The following SUFU variants were observed in gnomAD, a reference collection of about 807,000 sequenced individuals.
SUFU encodes SUFU negative regulator of hedgehog signaling.
In SUFU, 7 loss-of-function variants were observed where a neutral mutation model predicts 58.9. The ratio of observed to expected loss-of-function variants is 0.12; its 90% CI spans 0.07 to 0.22. The LOEUF is 0.22. Ranked by LOEUF, SUFU falls within the 10% of genes least tolerant of loss-of-function variation. The pLI is 1.00. For missense variants in SUFU, 451 were observed against 641.3 expected (o/e 0.70, Z 3.20); for synonymous variants, 232 against 254.8 (o/e 0.91, Z 0.85).
At chr10:102,521,230 GC>G (rs2062547932) in intron 2 of SUFU, among the ~76,000 whole-genome samples, 1 of 152,162 alleles carries the variant, frequency 6.6e-6, no homozygotes, top group African/African-American at 2.4e-5. Context: ...ATGCTGTTGA[GC>G]GTCTTTTCAT....
intron 3 of SUFU, among the ~76,000 whole-genome samples, chr10:102,583,282 G>T (rs911623719): frequency 5.3e-5 from 8 of 152,154 alleles, no homozygotes; most frequent in Non-Finnish European, 1.0e-4. Context: ...GCAGAGCTGC[G>T]GAAGACCCTG....
rs150958859 is a variant in SUFU, at chr10:102,588,619, C to T, written c.455-3963C>T. On this transcript the variant is annotated intron_variant, in intron 3 of 11. Coordinates refer to ENST00000369902, the MANE Select transcript of SUFU (RefSeq NM_016169.4). Reference sequence around the variant, plus strand: ...CTATTCTGGGTGTCTTGCATTTCCACGTGAAGTTTTGAATCCGTTTGTGAA... The same window carrying T: ...CTATTCTGGGTGTCTTGCATTTCCATGTGAAGTTTTGAATCCGTTTGTGAA... 3.0e-3 allele frequency among the ~76,000 whole-genome samples: 450 copies of T among 152,244 alleles called. 4 individuals are homozygous for T. Among genetic ancestry groups the T allele is most frequent in the African/African-American group, 0.01 (433 of 41,550 alleles).
At chr10:102,544,777 G>T (rs2062836425) in intron 2 of SUFU, among the ~76,000 whole-genome samples, 1 of 152,120 alleles carries the variant, frequency 6.6e-6, no homozygotes, top group Admixed American at 6.6e-5. Context: ...TCCCCATTCT[G>T]TCCTCACCCT....
In SUFU at chr10:102,619,296, C is replaced by T; in HGVS notation, c.1296+1868C>T. ...GGTTCCCACTCCCAGTGCCACAACC[C>T]CCTCACCTCCCTGGCAGCCCCTCAG... On this transcript the variant is annotated intron_variant, in intron 10 of 11. Transcript: ENST00000369902. This position sits in a 1 kb window ranked among gnomAD's most constrained non-coding sequence, Gnocchi z 4.2. 1 of 1,443,510 alleles carries T rather than the reference C, an allele frequency of 6.9e-7. No individual in the cohort carries two copies. The highest frequency in any genetic ancestry group is 9.1e-7 in the Non-Finnish European group (1 of 1,101,470). The allele number at this position is 1,443,510 out of a possible 1,614,324, so 89.4% of individuals were successfully genotyped here. A position where few individuals can be genotyped will look rare whatever the true frequency, so the allele number is the denominator to read the frequency against.
chr10:102,602,252 G>A (rs184807067), intron 8 of SUFU, among the ~76,000 whole-genome samples: 3 of 152,292 alleles, frequency 2.0e-5, no homozygotes, highest in Admixed American at 6.5e-5. Context: ...GGTTGGAAAG[G>A]GGTAGAGCTT....
At chr10:102,526,993 G>GTTTTTTTTTTTTT (rs34862176) in intron 2 of SUFU, among the ~76,000 whole-genome samples, 1 of 102,046 alleles carries the variant, frequency 9.8e-6, no homozygotes, top group African/African-American at 3.8e-5. Flanking sequence ...TATTATTATT[G>GTTTTTTTTTTTTT]TTTTTTTTTT....
At chr10:102,588,741 G>A (rs1256792326) in intron 3 of SUFU, among the ~76,000 whole-genome samples, 1 of 152,126 alleles carries the variant, frequency 6.6e-6, no homozygotes. Context: ...TAAGTCTTCC[G>A]ATCCATGAAT....
chr10:102,586,358 A>T (rs2063335877), intron 3 of SUFU, among the ~76,000 whole-genome samples: 1 of 152,060 alleles, frequency 6.6e-6, no homozygotes, highest in South Asian at 2.1e-4. Context: ...ATTTTCTCTC[A>T]TTCTCTGGGT....
intron 2 of SUFU, among the ~76,000 whole-genome samples, chr10:102,548,920 G>C (rs1201007559): frequency 1.3e-5 from 2 of 152,204 alleles, no homozygotes; most frequent in Non-Finnish European, 2.9e-5. Flanking sequence ...GGATGGGAAG[G>C]GAGGGCAACC....
intron 3 of SUFU, among the ~76,000 whole-genome samples, chr10:102,562,479 C>T (rs1003969901): frequency 5.9e-4 from 89 of 150,836 alleles, no homozygotes; most frequent in African/African-American, 1.9e-3. Flanking sequence ...GCCGAGATCG[C>T]GCCGCTACAG....
intron 6 of SUFU, among the ~76,000 whole-genome samples, chr10:102,596,136 G>A (rs1022009333): frequency 2.6e-5 from 4 of 152,182 alleles, no homozygotes; most frequent in Admixed American, 6.5e-5. Flanking sequence ...GGAAGGAGGC[G>A]TCTGGGGCAG....
intron 2 of SUFU, among the ~76,000 whole-genome samples, chr10:102,526,145 C>G (rs968044977): frequency 6.6e-6 from 1 of 152,104 alleles, no homozygotes; most frequent in Non-Finnish European, 1.5e-5. Context: ...GAGGGGTGAC[C>G]TGGCCCAGTA....
At position 102,592,367 on chromosome 10, in the gene SUFU, C is replaced by CCATTT. The variant is rs3839934; in HGVS notation, c.455-215_455-214insCATTT. On this transcript the variant is annotated intron_variant, in intron 3 of 11. Transcript: ENST00000369902. ...TTTCACACTAATAGCCTGTCCTTTTCAAGTCTGACAGAACTGGCAAGCAGG... is the reference window on the plus strand; with the variant it reads ...TTTCACACTAATAGCCTGTCCTTTTCCATTTAAGTCTGACAGAACTGGCAAGCAGG... Among the ~76,000 whole-genome samples the CCATTT allele has an allele frequency of 0.45, 68,516 of 151,628 alleles. 15,810 individuals are homozygous for CCATTT. The highest frequency in any genetic ancestry group is 0.68 in the East Asian group (3,462 of 5,122).
chr10:102,609,711 T>G (rs775171166), intron 8 of SUFU, among the ~76,000 whole-genome samples: 3 of 152,200 alleles, frequency 2.0e-5, no homozygotes, highest in Non-Finnish European at 4.4e-5. Context: ...GAATCTATTA[T>G]TTCAGCTCTC....
intron 8 of SUFU, among the ~76,000 whole-genome samples, chr10:102,604,720 C>T (rs1453556320): frequency 6.6e-6 from 1 of 152,070 alleles, no homozygotes; most frequent in Non-Finnish European, 1.5e-5. Flanking sequence ...GAGTAGGGGT[C>T]CTAATCTCCC....
chr10:102,572,664 A>T, intron 3 of SUFU: 1 of 563,910 alleles, frequency 1.8e-6, no homozygotes, highest in East Asian at 3.7e-5. Flanking sequence ...CTGAGATTAC[A>T]GGTGTGAGTG....
intron 3 of SUFU, among the ~76,000 whole-genome samples, chr10:102,570,420 T>C (rs1564686742): frequency 6.6e-6 from 1 of 152,142 alleles, no homozygotes; most frequent in Admixed American, 6.6e-5. Flanking sequence ...TCTTATATTT[T>C]TTAGTAGAGA....
intron 8 of SUFU, among the ~76,000 whole-genome samples, chr10:102,606,543 TGAACCTGAGTGGTGTGACTCTA>T (rs1415352505): frequency 6.6e-6 from 1 of 152,174 alleles, no homozygotes; most frequent in Non-Finnish European, 1.5e-5. Flanking sequence ...AGCCAGGATT[TGAACCTGAGTGGTGTGACTCTA>T]GATCTGAGCC....
intron 1 of SUFU, among the ~76,000 whole-genome samples, chr10:102,504,668 C>A (rs1475323541): frequency 1.5e-5 from 2 of 134,036 alleles, no homozygotes; most frequent in African/African-American, 2.9e-5. Context: ...CATTAGTGGG[C>A]GAGGGGAAGC....
Sources: allele counts gnomAD v4.1 joint callset (sites outside exome capture counted in the v4.1 genomes callset), GRCh38; gene constraint gnomAD v4.1.1; non-coding constraint Gnocchi (gnomAD v3.1); transcripts MANE v1.5; gene names NCBI Gene and HGNC (gene_info 2026-07-23, HGNC 2026-07-21).